The following SPAG16 variants were observed in gnomAD, a reference collection of about 807,000 sequenced individuals.
The protein encoded by SPAG16 is sperm associated antigen 16, also known as sperm-associated antigen 16 protein.
SPAG16 carries 86 observed loss-of-function variants against 80.4 expected under a neutral mutation model. The ratio of observed to expected loss-of-function variants is 1.07; its 90% CI spans 0.90 to 1.28. The LOEUF (loss-of-function observed/expected upper bound fraction) is 1.28. SPAG16 is among the 50% of genes most tolerant of loss of function. SPAG16 has a pLI of 0.00. For missense variants in SPAG16, 870 were observed against 765.3 expected, an observed-to-expected ratio of 1.14 and a Z score of -1.61; for synonymous variants, 294 against 265.9, an observed-to-expected ratio of 1.11 and a Z score of -1.03.
At chr2:213,305,415 G>GGCATCCTTGTT (rs1163640497) in intron 3 of SPAG16, among the ~76,000 whole-genome samples, 1 of 152,018 alleles carries the variant, frequency 6.6e-6, no homozygotes, top group Non-Finnish European at 1.5e-5. Context: ...GGTGACGATG[G>GGCATCCTTGTT]GCATCCTTGT....
rs554559451 is a variant in SPAG16 at position 213,572,893 on chromosome 2, C to T, written c.1070+82803C>T. Among the ~76,000 whole-genome samples the T allele has an allele frequency of 5.4e-4, 82 of 152,292 alleles. 3 individuals carry two copies. The South Asian group carries it at 6.0e-3, about 11-fold the overall frequency. The stretch of plus-strand genomic sequence containing the variant: ...TGCTGTGCTAGCAATCAGTGAGACT[C>T]CGTGGGCGTAGGACCCTCCGAGCCA... On this transcript the variant is annotated intron_variant, in intron 10 of 15. Coordinates refer to ENST00000331683, the MANE Select transcript of SPAG16 (RefSeq NM_024532.5).
At chr2:214,167,108 C>G (rs915416669) in intron 15 of SPAG16, among the ~76,000 whole-genome samples, 1 of 152,114 alleles carries the variant, frequency 6.6e-6, no homozygotes, top group Non-Finnish European at 1.5e-5. Context: ...CCTTGGACTT[C>G]ACATATGTCT....
intron 10 of SPAG16, among the ~76,000 whole-genome samples, chr2:213,587,595 C>A (rs1248170062): frequency 2.0e-5 from 3 of 152,214 alleles, no homozygotes; most frequent in Admixed American, 6.5e-5. Context: ...ATACCAATTT[C>A]TTTATCAAAT....
At chr2:213,378,636 A>G (rs1264100221) in intron 9 of SPAG16, among the ~76,000 whole-genome samples, 1 of 152,110 alleles carries the variant, frequency 6.6e-6, no homozygotes, top group East Asian at 1.9e-4. Context: ...AGGAGGGAAT[A>G]CCCATGACAA....
At chr2:213,463,521 G>A (rs1324990318) in intron 9 of SPAG16, among the ~76,000 whole-genome samples, 1 of 152,252 alleles carries the variant, frequency 6.6e-6, no homozygotes, top group Non-Finnish European at 1.5e-5. Context: ...CTGCATCCAA[G>A]CTACTCCAGC....
At chr2:214,027,270 T>A (rs1559708024) in intron 13 of SPAG16, among the ~76,000 whole-genome samples, 1 of 151,600 alleles carries the variant, frequency 6.6e-6, no homozygotes, top group Admixed American at 6.6e-5. Flanking sequence ...TCTTCTTTAC[T>A]GAACAGCATA....
At chr2:213,898,924 G>T (rs966310278) in intron 11 of SPAG16, among the ~76,000 whole-genome samples, 2 of 152,000 alleles carry the variant, frequency 1.3e-5, no homozygotes, top group Non-Finnish European at 2.9e-5. Flanking sequence ...ATAGCAATTT[G>T]GAAATGAAAC....
chr2:213,971,898 T>G (rs1215296783), intron 12 of SPAG16, among the ~76,000 whole-genome samples: 5 of 151,620 alleles, frequency 3.3e-5, no homozygotes, highest in Non-Finnish European at 4.4e-5. Flanking sequence ...TTTAGTACAG[T>G]CATCCTGTTA....
At chr2:214,189,937 T>C (rs1034630549) in intron 15 of SPAG16, among the ~76,000 whole-genome samples, 1 of 152,092 alleles carries the variant, frequency 6.6e-6, no homozygotes. Context: ...ATTGGGATCA[T>C]ACAGTTGGAA....
chr2:213,826,284 C>G (rs2073296522), intron 10 of SPAG16, among the ~76,000 whole-genome samples: 2 of 150,838 alleles, frequency 1.3e-5, no homozygotes, highest in East Asian at 3.9e-4. Flanking sequence ...TTTTATTATT[C>G]TAACTTTGGG....
At chr2:214,346,705 C>T (rs1421045767) in intron 15 of SPAG16, among the ~76,000 whole-genome samples, 2 of 152,170 alleles carry the variant, frequency 1.3e-5, no homozygotes, top group Non-Finnish European at 2.9e-5. Flanking sequence ...AAGCTCAATT[C>T]CCGTGAGACT....
intron 10 of SPAG16, among the ~76,000 whole-genome samples, chr2:213,510,939 TAA>T (rs2075200470): frequency 6.6e-6 from 1 of 152,182 alleles, no homozygotes; most frequent in Non-Finnish European, 1.5e-5. Flanking sequence ...TTGTGATGTT[TAA>T]ACTGCCATAT....
In SPAG16 at chr2:213,544,847, T is replaced by C. The variant is rs1253683013; in HGVS notation, c.1070+54757T>C. Among the ~76,000 whole-genome samples the C allele has an allele frequency of 7.2e-5, 11 of 152,146 alleles. No individual in the cohort carries two copies. The East Asian group carries it at 1.9e-3, about 27-fold the overall frequency. On this transcript the variant is annotated intron_variant, in intron 10 of 15. Transcript: ENST00000331683. ...AGTTTTCTCCGTTTCTTTTTGAGAC[T>C]TGATAGCTCATTTGTTTTTAATGTT...
intron 11 of SPAG16, among the ~76,000 whole-genome samples, chr2:213,897,717 A>G (rs1384179875): frequency 6.6e-6 from 1 of 152,140 alleles, no homozygotes; most frequent in African/African-American, 2.4e-5. Context: ...GATGATGTGC[A>G]TCTAATTTCT....
intron 10 of SPAG16, among the ~76,000 whole-genome samples, chr2:213,837,061 A>G (rs1392210964): frequency 6.6e-6 from 1 of 152,152 alleles, no homozygotes; most frequent in South Asian, 2.1e-4. Context: ...TCCTCATTTT[A>G]ATTCCGCCTG....
At chr2:213,897,747 G>T (rs1429962527) in intron 11 of SPAG16, among the ~76,000 whole-genome samples, 1 of 152,086 alleles carries the variant, frequency 6.6e-6, no homozygotes. Flanking sequence ...TTCTGCTATA[G>T]CTAACTGTTC....
At chr2:213,396,599 A>G (rs1351544105) in intron 9 of SPAG16, 5 of 455,226 alleles carry the variant, frequency 1.1e-5, no homozygotes, top group Admixed American at 7.1e-5. Context: ...AGCAGTGGAC[A>G]GGGAACTCTC....
In SPAG16 at chr2:214,318,741, C is replaced by A. The variant is rs184694039; in HGVS notation, c.1721-91399C>A. Among the ~76,000 whole-genome samples the A allele has an allele frequency of 2.0e-5, 3 of 152,146 alleles. No individual in the cohort carries two copies. The East Asian group carries it at 5.8e-4, about 30-fold the overall frequency. The stretch of plus-strand genomic sequence containing the variant: ...CAAAATTTAGACCAGGCCTAAGCAA[C>A]AGGGTAGTAGGGTAAGGTTGCAAGT... On this transcript the variant is annotated intron_variant, in intron 15 of 15. Coordinates refer to ENST00000331683, the MANE Select transcript of SPAG16 (RefSeq NM_024532.5).
intron 14 of SPAG16, among the ~76,000 whole-genome samples, chr2:214,110,706 C>T (rs1436047615): frequency 2.0e-5 from 3 of 152,146 alleles, no homozygotes; most frequent in African/African-American, 7.2e-5. Context: ...CTTGAGGAAT[C>T]GCCACATTGT....
Sources: gnomAD v4.1 joint callset for allele counts (sites outside exome capture counted in the v4.1 genomes callset) on GRCh38, gnomAD v4.1.1 for gene constraint, MANE v1.5 for transcripts, NCBI Gene and HGNC (gene_info 2026-07-23, HGNC 2026-07-21) for gene names.